The following PSMA5 variants were observed in gnomAD, a reference collection of about 807,000 sequenced individuals.
PSMA5 encodes proteasome subunit alpha type-5.
In PSMA5, 3 loss-of-function variants were observed where a neutral mutation model predicts 34.5. The ratio of observed to expected loss-of-function variants is 0.09; its 90% CI spans 0.04 to 0.22. PSMA5 has a LOEUF of 0.22. Among genes scored for constraint, PSMA5 ranks in the 10% least tolerant of loss-of-function variants. The pLI is 1.00. For missense variants in PSMA5, 120 were observed against 286.1 expected (o/e 0.42, Z 4.19); for synonymous variants, 88 against 95.8 (o/e 0.92, Z 0.47).
At chr1:109,421,176 G>A (rs1273044877) in intron 2 of PSMA5, among the ~76,000 whole-genome samples, 1 of 152,140 alleles carries the variant, frequency 6.6e-6, no homozygotes. Context: ...GACAGAGTGA[G>A]ACCCTGTCTC....
Position 109,415,382 on chromosome 1 carries a change from T to G in PSMA5, c.97-19A>C, listed in dbSNP as rs1359304115. The G allele has an allele frequency of 6.2e-7, 1 of 1,609,428 alleles. No homozygotes were observed. The highest frequency in any genetic ancestry group is 8.5e-7 in the Non-Finnish European group (1 of 1,177,354). The stretch of plus-strand genomic sequence containing the variant: ...AACCAAGCTAAAGAGAAACATGTTA[T>G]GATTACCATATATAGGTCAAATAAC... On this transcript the variant is annotated intron_variant, in intron 2 of 8. Transcript: ENST00000271308.
chr1:109,403,939 A>G (rs1030756481), intron 8 of PSMA5, among the ~76,000 whole-genome samples: 6 of 152,202 alleles, frequency 3.9e-5, no homozygotes, highest in Non-Finnish European at 8.8e-5. Flanking sequence ...AAAGTCCCAA[A>G]TATATCTGCA....
intron 1 of PSMA5, among the ~76,000 whole-genome samples, chr1:109,424,973 G>A (rs991738287): frequency 1.4e-5 from 2 of 140,430 alleles, no homozygotes; most frequent in South Asian, 2.1e-4. Flanking sequence ...GCGACAGAGC[G>A]AGACTCCGTC....
At chr1:109,420,996 C>T (rs1263179108) in intron 2 of PSMA5, among the ~76,000 whole-genome samples, 1 of 124,534 alleles carries the variant, frequency 8.0e-6, no homozygotes, top group Non-Finnish European at 1.6e-5. Flanking sequence ...ACTTGGGCAA[C>T]ATAGCAAGAC....
At position 109,418,656 on chromosome 1, in the gene PSMA5, G is replaced by A. The variant is rs369251422; in HGVS notation, c.96+3204C>T. 4.6e-5 allele frequency among the ~76,000 whole-genome samples: 7 copies of A among 152,184 alleles called. No homozygotes were observed. In the South Asian group the frequency reaches 6.2e-4, roughly 14 times the overall value. On this transcript the variant is annotated intron_variant, in intron 2 of 8. Coordinates refer to ENST00000271308, the MANE Select transcript of PSMA5 (RefSeq NM_002790.4). ...TCTAGACACGGGCTATGTTGCCCAG[G>A]CTAGTCTTGAACTCCTAGGCTCAAG...
chr1:109,424,500 G>C (rs909233600), intron 1 of PSMA5, among the ~76,000 whole-genome samples: 1 of 152,126 alleles, frequency 6.6e-6, no homozygotes, highest in East Asian at 2.0e-4. Flanking sequence ...GTCTCAGGCC[G>C]AGCGAGGTGG....
chr1:109,426,275 C>T (rs1654656158), intron 1 of PSMA5, 27 bp downstream of exon 1: 1 of 1,613,970 alleles, frequency 6.2e-7, no homozygotes, highest in Non-Finnish European at 8.5e-7. Context: ...CCATAATTCC[C>T]ACCCGACGTC....
At chr1:109,426,088 G>C in intron 1 of PSMA5, 1 of 622,274 alleles carries the variant, frequency 1.6e-6, no homozygotes, top group Non-Finnish European at 2.9e-6. Context: ...CACCGAGTTA[G>C]GACCCAGGGG....
In PSMA5 at chr1:109,412,131, A is replaced by G. The variant is rs1189171478; in HGVS notation, c.345T>C (p.Ala115=). Reference sequence around the variant, plus strand: ...CAAACTGCAAAGCCAGATTGGACACAGCTTGGGTCACACTCTCCACTGTCA... The same window carrying G: ...CAAACTGCAAAGCCAGATTGGACACGGCTTGGGTCACACTCTCCACTGTCA... ...ETMTVESVTQ[A]VSNLALQFGE... is the part of the protein sequence containing the mutation. The change falls in exon 5 of 9, where the codon GCT becomes GCC. Residue 115 remains alanine (A), a synonymous_variant. Transcript: ENST00000271308. 1 of 1,614,124 alleles carries G rather than the reference A, an allele frequency of 6.2e-7. No homozygotes were observed. Among genetic ancestry groups the G allele is most frequent in the Non-Finnish European group, 8.5e-7 (1 of 1,179,992 alleles).
rs1337838868 is a variant in PSMA5, at chr1:109,426,250, C to CCCATAATT, written c.29+51_29+52insAATTATGG. On this transcript the variant is annotated intron_variant, in intron 1 of 8. Coordinates refer to ENST00000271308, the MANE Select transcript of PSMA5 (RefSeq NM_002790.4). Reference sequence around the variant, plus strand: ...CAGAACCCAGGCCGCGCGGCCAGGTCCCGGGCCTGCCCACCCATAATTCCC... The same window carrying CCCATAATT: ...CAGAACCCAGGCCGCGCGGCCAGGTCCCATAATTCCGGGCCTGCCCACCCATAATTCCC... 5 of 1,609,534 alleles carry CCCATAATT rather than the reference C, an allele frequency of 3.1e-6. No homozygotes were observed. The African/African-American group carries it at 6.7e-5, about 21-fold the overall frequency.
intron 6 of PSMA5, 73 bp downstream of exon 6, chr1:109,411,804 C>T: frequency 6.9e-7 from 1 of 1,439,258 alleles, no homozygotes; most frequent in Non-Finnish European, 9.7e-7. Context: ...CTACAATAAT[C>T]TTCTCAGTCT....
At chr1:109,410,076 G>A in intron 7 of PSMA5, 62 bp from the exon 8 acceptor site, 1 of 1,123,344 alleles carries the variant, frequency 8.9e-7, no homozygotes. Flanking sequence ...TTCCTTCAAA[G>A]ATTTTCCCTT....
chr1:109,404,376 G>A (rs1056541526), intron 8 of PSMA5, among the ~76,000 whole-genome samples: 3 of 152,076 alleles, frequency 2.0e-5, no homozygotes, highest in African/African-American at 7.2e-5. Context: ...ATCTTTACTT[G>A]ATGATCAATG....
chr1:109,423,434 T>C (rs528611954), intron 1 of PSMA5, among the ~76,000 whole-genome samples: 1 of 152,324 alleles, frequency 6.6e-6, no homozygotes, highest in African/African-American at 2.4e-5. Context: ...TAAGCACAAG[T>C]TACTTCCAAA....
chr1:109,399,814 T>C lies in PSMA5; in HGVS notation c.*2199A>G, dbSNP rs1430427097. Reference sequence around the variant, plus strand: ...TATATTTCATTTTTGTCTAATGAGATTGACATTAAATATAAAAGTGGCACT... The same window carrying C: ...TATATTTCATTTTTGTCTAATGAGACTGACATTAAATATAAAAGTGGCACT... On this transcript the variant is annotated 3_prime_UTR_variant, in exon 9 of 9. Coordinates refer to ENST00000271308, the MANE Select transcript of PSMA5 (RefSeq NM_002790.4). The C allele has an allele frequency of 6.6e-6, 1 of 152,204 alleles. No individual in the cohort carries two copies. The highest frequency in any genetic ancestry group is 1.5e-5 in the Non-Finnish European group (1 of 68,030). The allele number at this position is 152,204 out of a possible 1,614,324, so 9.4% of individuals were successfully genotyped here. A position where few individuals can be genotyped will look rare whatever the true frequency, so the allele number is the denominator to read the frequency against.
At chr1:109,402,872 AT>A (rs972891811) in intron 8 of PSMA5, among the ~76,000 whole-genome samples, 2 of 151,888 alleles carry the variant, frequency 1.3e-5, no homozygotes, top group African/African-American at 4.8e-5. Context: ...CACCCGGCTA[AT>A]TTTGTATTTT....
intron 6 of PSMA5, 103 bp downstream of exon 6, chr1:109,411,774 G>C (rs1653999996): frequency 2.6e-6 from 3 of 1,155,254 alleles, no homozygotes; most frequent in Non-Finnish European, 3.8e-6. Flanking sequence ...ACAGGTGTGT[G>C]CTAATACCTG....
chr1:109,426,250 C>A (rs1571037420), intron 1 of PSMA5, 52 bp downstream of exon 1: 2 of 1,609,416 alleles, frequency 1.2e-6, no homozygotes, highest in Non-Finnish European at 8.5e-7. Flanking sequence ...GCGGCCAGGT[C>A]CCGGGCCTGC....
rs1653530830 is a variant in PSMA5, at chr1:109,401,692, GT to G, written c.*320del. 1.6e-5 allele frequency: 3 copies of G among 191,404 alleles called. No individual in the cohort carries two copies. The highest frequency in any genetic ancestry group is 1.2e-4 in the Admixed American group (2 of 16,394). The allele number at this position is 191,404 out of a possible 1,614,324, so 11.9% of individuals were successfully genotyped here. A position where few individuals can be genotyped will look rare whatever the true frequency, so the allele number is the denominator to read the frequency against. ...GACTGTATTACAATGGCTGGGCACAGTGGCTCTCGCCTATAATCCTAGCACT... is the reference window on the plus strand; with the variant it reads ...GACTGTATTACAATGGCTGGGCACAGGGCTCTCGCCTATAATCCTAGCACT... On this transcript the variant is annotated 3_prime_UTR_variant, in exon 9 of 9. Coordinates refer to ENST00000271308, the MANE Select transcript of PSMA5 (RefSeq NM_002790.4).
Sources: allele counts gnomAD v4.1 joint callset (sites outside exome capture counted in the v4.1 genomes callset), GRCh38; gene constraint gnomAD v4.1.1; transcripts MANE v1.5; gene names NCBI Gene and HGNC (gene_info 2026-07-23, HGNC 2026-07-21).